UHRF1: variants seen among roughly 807,000 people sequenced by gnomAD.
UHRF1 encodes the protein ubiquitin like with PHD and ring finger domains 1, also known as E3 ubiquitin-protein ligase UHRF1.
UHRF1 carries 9 observed loss-of-function variants against 96.5 expected under a neutral mutation model. The observed-to-expected ratio is 0.09, with a 90% CI of 0.06 to 0.16. UHRF1 has a LOEUF of 0.16. UHRF1 is among the 10% of genes least tolerant of loss of function. UHRF1 has a pLI of 1.00. For missense variants in UHRF1, 626 were observed against 1,131.1 expected (o/e 0.55, Z 6.40); for synonymous variants, 455 against 469.9 (o/e 0.97, Z 0.41).
chr19:4,936,548 C>T (rs1399379780), intron 5 of UHRF1, among the ~76,000 whole-genome samples: 2 of 152,294 alleles, frequency 1.3e-5, no homozygotes. Context: ...CTTCTAAATG[C>T]AAGCCCTCTA....
At chr19:4,934,584 CTGAG>C (rs1461790278) in intron 5 of UHRF1, among the ~76,000 whole-genome samples, 2 of 152,190 alleles carry the variant, frequency 1.3e-5, no homozygotes, top group African/African-American at 4.8e-5. Context: ...ACTGACGTCA[CTGAG>C]TGTGATGTCC....
chr19:4,950,554 CT>C, intron 11 of UHRF1, 56 bp from the exon 12 acceptor site: 2 of 1,560,976 alleles, frequency 1.3e-6, no homozygotes, highest in Non-Finnish European at 1.7e-6. Context: ...CCTGTGTTTC[CT>C]TTTTTGGGGG....
At chr19:4,955,363 C>G (rs1272698315) in intron 15 of UHRF1, among the ~76,000 whole-genome samples, 1 of 152,106 alleles carries the variant, frequency 6.6e-6, no homozygotes, top group African/African-American at 2.4e-5. Flanking sequence ...TCCCCCTTTA[C>G]AGCCACAGCG....
intron 1 of UHRF1, 86 bp from the exon 2 acceptor site, chr19:4,910,790 C>A (rs2032237307): frequency 6.8e-7 from 1 of 1,464,740 alleles, no homozygotes; most frequent in East Asian, 2.4e-5. Flanking sequence ...ACAGGCCGGA[C>A]AAAAGCAACC....
At chr19:4,944,660 G>A (rs1158618910) in intron 9 of UHRF1, among the ~76,000 whole-genome samples, 1 of 152,214 alleles carries the variant, frequency 6.6e-6, no homozygotes, top group African/African-American at 2.4e-5. Flanking sequence ...GGGGGCTGCT[G>A]CTCTGCTCAG....
chr19:4,917,088 T>C (rs1042584620), intron 2 of UHRF1, among the ~76,000 whole-genome samples: 2 of 131,284 alleles, frequency 1.5e-5, no homozygotes, highest in Non-Finnish European at 3.2e-5. Flanking sequence ...GGGGGTGCAG[T>C]GAGCTTTTAG....
chr19:4,931,075 G>A (rs2033036836), intron 4 of UHRF1, among the ~76,000 whole-genome samples, 199 bp downstream of exon 4: 1 of 152,162 alleles, frequency 6.6e-6, no homozygotes, highest in African/African-American at 2.4e-5. Flanking sequence ...GCCCCCTCCT[G>A]TGTCTCCGCG....
Position 4,930,832 on chromosome 19 carries a change from G to A in UHRF1, c.525G>A (p.Arg175=). ...ACGAGCCCTGCAGCTCCACGTCCAG[G>A]CCGGCGCTGGAGGAGGACGTCATTT... ...SRDEPCSSTS[R]PALEEDVIYH... is the part of the protein sequence containing the mutation. Residue 175 remains arginine, a synonymous_variant, in exon 4 of 17, where the codon AGG becomes AGA. Transcript: ENST00000650932. The surrounding 1 kb of genome is among the most constrained non-coding windows in gnomAD (Gnocchi z 4.4). 1.2e-6 allele frequency: 2 copies of A among 1,613,980 alleles called. No homozygotes were observed. Among genetic ancestry groups the A allele is most frequent in the Non-Finnish European group, 1.7e-6 (2 of 1,179,896 alleles).
intron 2 of UHRF1, among the ~76,000 whole-genome samples, chr19:4,919,251 C>T (rs2032623906): frequency 6.6e-6 from 1 of 151,854 alleles, no homozygotes; most frequent in Non-Finnish European, 1.5e-5. Context: ...GTCTTGGCCT[C>T]CCAAATCATA....
intron 15 of UHRF1, among the ~76,000 whole-genome samples, chr19:4,955,283 A>G (rs975438914): frequency 2.6e-5 from 4 of 152,132 alleles, no homozygotes; most frequent in African/African-American, 9.7e-5. Flanking sequence ...TGGGGGCTCC[A>G]GGGGAGAACC....
At position 4,949,473 on chromosome 19, in the gene UHRF1, G is replaced by GACACACAC. The variant is rs10580944; in HGVS notation, c.1518-1113_1518-1106dup. Among the ~76,000 whole-genome samples, 973 of 147,832 alleles carry GACACACAC rather than the reference G, an allele frequency of 6.6e-3. 3 individuals are homozygous for GACACACAC. The highest frequency in any genetic ancestry group is 0.011 in the Admixed American group (155 of 14,672). ...CATTATCTAAAACAATTGGCACATA[G>GACACACAC]ACACACACACACACACACACACACA... On this transcript the variant is annotated intron_variant, in intron 11 of 16. Coordinates refer to ENST00000650932, the MANE Select transcript of UHRF1 (RefSeq NM_001048201.3).
Position 4,954,867 on chromosome 19 carries a change from C to T in UHRF1, c.2130+45C>T, listed in dbSNP as rs376648688. 7.2e-5 allele frequency: 116 copies of T among 1,601,646 alleles called. No homozygotes were observed. The highest frequency in any genetic ancestry group is 1.8e-4 in the South Asian group (16 of 90,006). Reference sequence around the variant, plus strand: ...TCGTCGCCCTGATTTGCGTTGACTGCGGTAAAATGTGTGGGGCTTGTTTCC... The same window carrying T: ...TCGTCGCCCTGATTTGCGTTGACTGTGGTAAAATGTGTGGGGCTTGTTTCC... On this transcript the variant is annotated intron_variant, in intron 15 of 16. Transcript: ENST00000650932. This position sits in a 1 kb window ranked among gnomAD's most constrained non-coding sequence, Gnocchi z 5.9.
At position 4,923,523 on chromosome 19, in the gene UHRF1, C is replaced by A. The variant is rs74757835; in HGVS notation, c.154-5699C>A. ...CTGCCCCATGCAGCTGAGCCATGAG[C>A]GCGGCCTGTGTGCCCCTCTCCCGCT... is the stretch of plus-strand genomic sequence containing the variant. On this transcript the variant is annotated intron_variant, in intron 2 of 16. Coordinates refer to ENST00000650932, the MANE Select transcript of UHRF1 (RefSeq NM_001048201.3). 1.4e-4 allele frequency among the ~76,000 whole-genome samples: 22 copies of A among 152,322 alleles called. No homozygotes were observed. In the East Asian group the frequency reaches 4.2e-3, roughly 29 times the overall value.
chr19:4,923,547 C>T (rs1017780731), intron 2 of UHRF1, among the ~76,000 whole-genome samples: 1 of 151,180 alleles, frequency 6.6e-6, no homozygotes, highest in Non-Finnish European at 1.5e-5. Context: ...CCCTCTCCCG[C>T]TGGCTGGAGC....
chr19:4,947,490 CTTTTTT>C (rs985069179), intron 11 of UHRF1, among the ~76,000 whole-genome samples: 28 of 57,886 alleles, frequency 4.8e-4, no homozygotes, highest in African/African-American at 1.1e-3. Flanking sequence ...TAATAGATAT[CTTTTTT>C]TTTTTTTTTT....
At chr19:4,906,731 C>G (rs2032071382), upstream of UHRF1, among the ~76,000 whole-genome samples, 1 of 152,040 alleles carries the variant, frequency 6.6e-6, no homozygotes, top group African/African-American at 2.4e-5. Flanking sequence ...GCAGGCTGGG[C>G]ACCAAAGCAA....
chr19:4,908,048 C>T (rs1032979762), upstream of UHRF1, among the ~76,000 whole-genome samples: 32 of 152,176 alleles, frequency 2.1e-4, no homozygotes, highest in African/African-American at 6.8e-4. Flanking sequence ...TTCCACTTTC[C>T]CATCTCCTTT....
chr19:4,958,335 C>G (rs1482981329), intron 16 of UHRF1, among the ~76,000 whole-genome samples: 1 of 152,222 alleles, frequency 6.6e-6, no homozygotes, highest in Non-Finnish European at 1.5e-5. Context: ...GGCCTGGTAA[C>G]ACTGTCCTGG....
chr19:4,935,919 G>A (rs1181541933), intron 5 of UHRF1, among the ~76,000 whole-genome samples: 1 of 152,152 alleles, frequency 6.6e-6, no homozygotes, highest in Non-Finnish European at 1.5e-5. Context: ...TGCCCAGCCA[G>A]CACCCACGGG....
Sources: allele counts gnomAD v4.1 joint callset (sites outside exome capture counted in the v4.1 genomes callset), GRCh38; gene constraint gnomAD v4.1.1; non-coding constraint Gnocchi (gnomAD v3.1); transcripts MANE v1.5; gene names NCBI Gene and HGNC (gene_info 2026-07-23, HGNC 2026-07-21).